Variants in DLGAP2 observed in about 807,000 individuals in gnomAD.
The protein encoded by DLGAP2 is disks large-associated protein 2.
Under a neutral mutation model 100.3 loss-of-function variants are expected in DLGAP2, and 26 were observed. That is an observed-to-expected ratio of 0.26 (90% CI 0.19 to 0.36). The LOEUF (loss-of-function observed/expected upper bound fraction) is 0.36, where lower values mean the gene tolerates loss of function less well. DLGAP2 is among the 10% of genes least tolerant of loss of function. DLGAP2 has a pLI of 1.00. For synonymous variants in DLGAP2, 886 were observed against 630.1 expected (o/e 1.41, Z -6.08); for missense variants, 1,858 against 1,453.2 (o/e 1.28, Z -4.53).
intron 3 of DLGAP2, among the ~76,000 whole-genome samples, chr8:1,343,774 C>T (rs1263797281): frequency 1.3e-5 from 2 of 151,864 alleles, no homozygotes; most frequent in Non-Finnish European, 2.9e-5. Context: ...GAGGCGGGGG[C>T]AGTGCTGTGG....
intron 1 of DLGAP2, among the ~76,000 whole-genome samples, chr8:807,302 C>T (rs1270443414): frequency 8.5e-6 from 1 of 118,336 alleles, no homozygotes; most frequent in African/African-American, 3.3e-5. Context: ...CGTTCTCTCT[C>T]CTCTTTTTCT....
At position 1,180,969 on chromosome 8, in the gene DLGAP2, G is replaced by A. The variant is rs113945782; in HGVS notation, c.74-77882G>A. ...GAGTGTGGGTGGCTGTGCAAGGGCA[G>A]TACACTTACTGTCGAGTGTGGGTGG... On this transcript the variant is annotated intron_variant, in intron 2 of 14. Coordinates refer to ENST00000637795, the MANE Select transcript of DLGAP2 (RefSeq NM_001346810.2). Among the ~76,000 whole-genome samples, 8 of 60,606 alleles carry A rather than the reference G, an allele frequency of 1.3e-4. 2 individuals are homozygous for A. The highest frequency in any genetic ancestry group is 2.4e-4 in the Non-Finnish European group (7 of 29,666). 39.8% of individuals were successfully genotyped at this position (60,606 alleles called of 152,430 possible).
At chr8:987,664 T>A (rs1306065205) in intron 2 of DLGAP2, among the ~76,000 whole-genome samples, 1 of 152,174 alleles carries the variant, frequency 6.6e-6, no homozygotes, top group African/African-American at 2.4e-5. Flanking sequence ...TCCTGCTGTC[T>A]TCCCCTTGAA....
chr8:1,080,581 A>T (rs1249211944), intron 2 of DLGAP2, among the ~76,000 whole-genome samples: 2 of 152,166 alleles, frequency 1.3e-5, no homozygotes, highest in African/African-American at 2.4e-5. Context: ...AGCTGCAGGG[A>T]CACAGAGCTC....
intron 3 of DLGAP2, among the ~76,000 whole-genome samples, chr8:1,344,175 C>A (rs1387206279): frequency 6.6e-6 from 1 of 151,236 alleles, no homozygotes; most frequent in African/African-American, 2.4e-5. Context: ...GTACTCGGGG[C>A]GCTGTCGTGG....
intron 1 of DLGAP2, among the ~76,000 whole-genome samples, chr8:796,221 C>T (rs1008781762): frequency 6.6e-6 from 1 of 152,208 alleles, no homozygotes; most frequent in Non-Finnish European, 1.5e-5. Flanking sequence ...TAGAGTTTAG[C>T]AAGCAGGTGA....
intron 6 of DLGAP2, among the ~76,000 whole-genome samples, chr8:1,591,296 C>CT (rs1046488447): frequency 2.0e-4 from 31 of 152,122 alleles, no homozygotes; most frequent in Non-Finnish European, 4.1e-4. Context: ...ACCCCCTCCC[C>CT]CTCCCTCTTC....
At chr8:1,294,824 G>A (rs1055771222) in intron 3 of DLGAP2, among the ~76,000 whole-genome samples, 1 of 150,664 alleles carries the variant, frequency 6.6e-6, no homozygotes, top group Non-Finnish European at 1.5e-5. Flanking sequence ...AGCTGAGATT[G>A]TGCTGTTGCA....
At chr8:779,267 T>C (rs1025817151) in intron 1 of DLGAP2, among the ~76,000 whole-genome samples, 3 of 152,180 alleles carry the variant, frequency 2.0e-5, no homozygotes, top group African/African-American at 7.2e-5. Context: ...ATGAACCTGG[T>C]ACCTCAGATG....
chr8:1,543,196 T>A (rs1261110063), intron 4 of DLGAP2, among the ~76,000 whole-genome samples: 1 of 152,238 alleles, frequency 6.6e-6, no homozygotes, highest in Non-Finnish European at 1.5e-5. Context: ...CATAAAACTT[T>A]TTAATTTTAG....
At chr8:1,038,991 T>C (rs1585002029) in intron 2 of DLGAP2, among the ~76,000 whole-genome samples, 3 of 152,362 alleles carry the variant, frequency 2.0e-5, no homozygotes, top group African/African-American at 7.2e-5. Context: ...TCATATAGCC[T>C]GTTAGAAAGA....
intron 12 of DLGAP2, 64 bp from the exon 13 acceptor site, chr8:1,691,471 C>T: frequency 7.1e-7 from 1 of 1,401,510 alleles, no homozygotes; most frequent in East Asian, 2.3e-5. Flanking sequence ...GATGTTTCTG[C>T]TTTTGTGTAA....
At chr8:1,131,914 A>G (rs777413628) in intron 2 of DLGAP2, among the ~76,000 whole-genome samples, 10 of 152,146 alleles carry the variant, frequency 6.6e-5, no homozygotes, top group Non-Finnish European at 1.2e-4. Context: ...CAGATACCTT[A>G]ATTAGAATGT....
At chr8:1,349,573 T>C (rs147962771) in intron 3 of DLGAP2, among the ~76,000 whole-genome samples, 5 of 65,546 alleles carry the variant, frequency 7.6e-5, no homozygotes, top group African/African-American at 1.9e-4. Context: ...TAGGAAGGGG[T>C]GTTTGAGGGA....
At chr8:1,525,141 A>C (rs1038625135) in intron 4 of DLGAP2, among the ~76,000 whole-genome samples, 1 of 146,070 alleles carries the variant, frequency 6.8e-6, no homozygotes, top group Non-Finnish European at 1.5e-5. Context: ...AGGTCTCCTG[A>C]GGCAACAACT....
Position 764,176 on chromosome 8 carries a change from C to T in DLGAP2, c.18+26351C>T, listed in dbSNP as rs114068365. 5.8e-3 allele frequency among the ~76,000 whole-genome samples: 879 copies of T among 152,280 alleles called. 9 individuals are homozygous for T. The highest frequency in any genetic ancestry group is 0.019 in the African/African-American group (804 of 41,542). ...TGGGCCAGGGCTCAGCACCGTGCCGCAGCTGCCACTCATCCTGCCTCATTT... is the reference window on the plus strand; with the variant it reads ...TGGGCCAGGGCTCAGCACCGTGCCGTAGCTGCCACTCATCCTGCCTCATTT... On this transcript the variant is annotated intron_variant, in intron 1 of 14. Transcript: ENST00000637795.
At chr8:1,672,330 CA>C (rs1798712134) in intron 10 of DLGAP2, among the ~76,000 whole-genome samples, 1 of 151,186 alleles carries the variant, frequency 6.6e-6, no homozygotes, top group Admixed American at 6.6e-5. Flanking sequence ...CTCCTGAGTT[CA>C]AATGATTCTC....
intron 3 of DLGAP2, among the ~76,000 whole-genome samples, chr8:1,380,015 C>T (rs1796055638): frequency 1.3e-5 from 2 of 152,088 alleles, no homozygotes; most frequent in Non-Finnish European, 2.9e-5. Flanking sequence ...CGGCTCCATC[C>T]CAGCATCTGC....
chr8:1,280,946 G>A (rs1435905273), intron 3 of DLGAP2, among the ~76,000 whole-genome samples: 1 of 152,208 alleles, frequency 6.6e-6, no homozygotes, highest in Admixed American at 6.5e-5. Context: ...GCTATATGGG[G>A]AATGTGGATT....
Sources: gnomAD v4.1 joint callset for allele counts (sites outside exome capture counted in the v4.1 genomes callset) on GRCh38, gnomAD v4.1.1 for gene constraint, MANE v1.5 for transcripts, NCBI Gene and HGNC (gene_info 2026-07-23, HGNC 2026-07-21) for gene names.